Variants in LRP1B observed in about 807,000 individuals in gnomAD.
LRP1B encodes LDL receptor related protein 1B, also known as low-density lipoprotein receptor-related protein 1B.
Under a neutral mutation model 556.6 loss-of-function variants are expected in LRP1B, and 217 were observed. The observed-to-expected ratio is 0.39, with a 90% confidence interval of 0.35 to 0.44. LRP1B has a LOEUF of 0.44. LRP1B is among the 20% of genes least tolerant of loss of function. The pLI is 1.00. For synonymous variants in LRP1B, 2,047 were observed against 1,865.8 expected (o/e 1.10, Z -2.50); for missense variants, 5,053 against 5,620.8 (o/e 0.90, Z 3.23).
chr2:141,578,367 A>C (rs1476977732), intron 2 of LRP1B, among the ~76,000 whole-genome samples: 1 of 150,784 alleles, frequency 6.6e-6, no homozygotes, highest in Non-Finnish European at 1.5e-5. Context: ...ATTGCACTCC[A>C]GCCTGGGTGA....
chr2:141,016,218 T>A (rs1047077934), intron 12 of LRP1B, among the ~76,000 whole-genome samples: 1 of 152,072 alleles, frequency 6.6e-6, no homozygotes, highest in Non-Finnish European at 1.5e-5. Context: ...TTGGGGGCTG[T>A]TGATACCAAG....
intron 1 of LRP1B, among the ~76,000 whole-genome samples, chr2:141,976,663 C>T (rs1701897443): frequency 1.3e-5 from 2 of 152,130 alleles, no homozygotes; most frequent in African/African-American, 4.8e-5. Flanking sequence ...ACCTCCTGTA[C>T]TCCAACCAGA....
chr2:140,680,044 C>A (rs1314874881), intron 41 of LRP1B, among the ~76,000 whole-genome samples: 1 of 151,784 alleles, frequency 6.6e-6, no homozygotes, highest in Non-Finnish European at 1.5e-5. Context: ...CAATGTGGCC[C>A]AGGGAACCCA....
At chr2:141,741,202 C>T (rs1693688340) in intron 2 of LRP1B, among the ~76,000 whole-genome samples, 1 of 148,478 alleles carries the variant, frequency 6.7e-6, no homozygotes, top group Non-Finnish European at 1.5e-5. Context: ...AAATCTTGGC[C>T]ATTTTAAATA....
chr2:141,709,547 TGTTTG>T lies in LRP1B; in HGVS notation c.205+100727_205+100731del, dbSNP rs1486954730. ...TTAGACTCCAAGTTTTGAATTTCTT[TGTTTG>T]GTTTTAGAGTTTGCTGTTTATTGAA... On this transcript the variant is annotated intron_variant, in intron 2 of 90. Coordinates refer to ENST00000389484, the MANE Select transcript of LRP1B (RefSeq NM_018557.3). Among the ~76,000 whole-genome samples the T allele has an allele frequency of 2.0e-5, 3 of 152,118 alleles. 1 individual carries two copies. Among genetic ancestry groups the T allele is most frequent in the Middle Eastern group, 6.3e-3 (2 of 316 alleles).
At chr2:140,514,541 A>G in intron 51 of LRP1B, 112 bp downstream of exon 51, 1 of 922,092 alleles carries the variant, frequency 1.1e-6, no homozygotes, top group Non-Finnish European at 1.5e-6. Context: ...AGAAAGGTAC[A>G]CATAAATTTT....
chr2:141,656,447 T>C (rs1690011529), intron 2 of LRP1B, among the ~76,000 whole-genome samples: 1 of 152,214 alleles, frequency 6.6e-6, no homozygotes, highest in African/African-American at 2.4e-5. Context: ...TTTAAACATC[T>C]GTATCTTAAT....
chr2:141,702,769 G>A (rs1475792473), intron 2 of LRP1B, among the ~76,000 whole-genome samples: 2 of 151,932 alleles, frequency 1.3e-5, no homozygotes, highest in African/African-American at 4.8e-5. Context: ...TAACCCAGGT[G>A]TGAGGTATTA....
intron 1 of LRP1B, among the ~76,000 whole-genome samples, chr2:142,110,722 G>A (rs1706958200): frequency 1.3e-5 from 2 of 152,072 alleles, no homozygotes; most frequent in African/African-American, 4.8e-5. Flanking sequence ...TATTTTTAAA[G>A]CCCACCTTGG....
chr2:140,996,872 A>G (rs1333722428), intron 15 of LRP1B, among the ~76,000 whole-genome samples: 2 of 152,006 alleles, frequency 1.3e-5, no homozygotes, highest in Non-Finnish European at 2.9e-5. Flanking sequence ...GTGAATATAT[A>G]AAGACCTATA....
chr2:140,419,301 G>A (rs1040186207), intron 66 of LRP1B, among the ~76,000 whole-genome samples: 2 of 152,242 alleles, frequency 1.3e-5, no homozygotes, highest in East Asian at 3.9e-4. Context: ...CAAAAGATAA[G>A]TGAAAACTGG....
chr2:140,503,047 T>G lies in LRP1B; in HGVS notation c.8578A>C (p.Asn2860His). ...TCTCCATCACACTGCCATTGAGTATTTAGAAGACACCGCCCATCAGCACAA... is the reference window on the plus strand; with the variant it reads ...TCTCCATCACACTGCCATTGAGTATGTAGAAGACACCGCCCATCAGCACAA... ...FSCADGRCLL[N>H]TQWQCDGDFD... is the part of the protein sequence containing the mutation. Residue 2860 changes from asparagine to histidine, a missense_variant, in exon 54 of 91, where the codon AAT (asparagine) becomes CAT (histidine). By Grantham distance (68) the Asn-to-His change is moderately conservative. Coordinates refer to ENST00000389484, the MANE Select transcript of LRP1B (RefSeq NM_018557.3). 1 of 1,613,302 alleles carries G rather than the reference T, an allele frequency of 6.2e-7. No homozygotes were observed. Among genetic ancestry groups the G allele is most frequent in the Non-Finnish European group, 8.5e-7 (1 of 1,179,390 alleles).
chr2:141,803,216 CTT>C (rs36054783), intron 2 of LRP1B, among the ~76,000 whole-genome samples: 49 of 142,998 alleles, frequency 3.4e-4, no homozygotes, highest in East Asian at 1.2e-3. Context: ...TGCAATCGAC[CTT>C]TTTTTTTTTT....
At chr2:142,064,022 C>G (rs1705011663) in intron 1 of LRP1B, among the ~76,000 whole-genome samples, 1 of 151,482 alleles carries the variant, frequency 6.6e-6, no homozygotes, top group South Asian at 2.1e-4. Flanking sequence ...TAATATCCTT[C>G]TAGTATGTTT....
At chr2:140,781,857 G>T (rs73961495) in intron 32 of LRP1B, among the ~76,000 whole-genome samples, 1 of 152,214 alleles carries the variant, frequency 6.6e-6, no homozygotes, top group African/African-American at 2.4e-5. Context: ...AGAATGACAT[G>T]ATTTTGTATT....
chr2:140,275,619 T>C (rs1430882309), intron 84 of LRP1B, among the ~76,000 whole-genome samples: 1 of 151,968 alleles, frequency 6.6e-6, no homozygotes. Context: ...CAACGAGTTA[T>C]GCCTCTCATG....
chr2:140,885,216 A>G (rs1181515990), intron 24 of LRP1B, among the ~76,000 whole-genome samples: 1 of 152,196 alleles, frequency 6.6e-6, no homozygotes, highest in African/African-American at 2.4e-5. Flanking sequence ...TAATTATATT[A>G]TGTGCTTAAA....
chr2:141,017,535 T>C (rs1697939798), intron 12 of LRP1B, among the ~76,000 whole-genome samples: 1 of 151,794 alleles, frequency 6.6e-6, no homozygotes, highest in Non-Finnish European at 1.5e-5. Context: ...TATTTTACTA[T>C]TTGAGAAAAG....
At chr2:141,033,174 T>C (rs1291295924) in intron 11 of LRP1B, among the ~76,000 whole-genome samples, 1 of 151,622 alleles carries the variant, frequency 6.6e-6, no homozygotes, top group Non-Finnish European at 1.5e-5. Flanking sequence ...CTGGGGTAAC[T>C]GTGAGAAAAG....
Sources: allele counts gnomAD v4.1 joint callset (sites outside exome capture counted in the v4.1 genomes callset), GRCh38; gene constraint gnomAD v4.1.1; transcripts MANE v1.5; gene names NCBI Gene and HGNC (gene_info 2026-07-23, HGNC 2026-07-21).